The following PTPRD variants were observed in gnomAD, a reference collection of about 807,000 sequenced individuals.
PTPRD encodes receptor-type tyrosine-protein phosphatase delta.
In PTPRD, 34 loss-of-function variants were observed where a neutral mutation model predicts 214.5. That is an observed-to-expected ratio of 0.16 (90% CI 0.12 to 0.21). The LOEUF is 0.21. Ranked by LOEUF, PTPRD falls within the 10% of genes least tolerant of loss-of-function variation. The pLI is 1.00. For missense variants in PTPRD, 2,545 were observed against 2,398.7 expected (o/e 1.06, Z -1.27); for synonymous variants, 1,128 against 845.7 (o/e 1.33, Z -5.79).
intron 5 of PTPRD, among the ~76,000 whole-genome samples, chr9:9,802,644 G>A (rs979062285): frequency 6.7e-6 from 1 of 148,434 alleles, no homozygotes; most frequent in Non-Finnish European, 1.5e-5. Flanking sequence ...TGCTAGGAAC[G>A]TTTTTTTTTA....
chr9:10,286,403 T>C (rs546054019), intron 3 of PTPRD, among the ~76,000 whole-genome samples: 1 of 152,084 alleles, frequency 6.6e-6, no homozygotes, highest in Admixed American at 6.6e-5. Context: ...AATTGTGTCA[T>C]GGCACTCCAG....
At chr9:9,332,039 G>A (rs2042509953) in intron 9 of PTPRD, among the ~76,000 whole-genome samples, 2 of 152,026 alleles carry the variant, frequency 1.3e-5, no homozygotes, top group Non-Finnish European at 2.9e-5. Context: ...CCCTCTCTGC[G>A]GAGTCTGCAT....
In PTPRD at chr9:8,523,564, T is replaced by C. The variant is rs766984148; in HGVS notation, c.680-40A>G. ...GGGTTTGATGCAGAACACAATGAAA[T>C]GAGGAAAGGAGAAAAACAAGGGAAA... is the stretch of plus-strand genomic sequence containing the variant. On this transcript the variant is annotated intron_variant, in intron 18 of 45. Transcript: ENST00000381196. 1.9e-5 allele frequency: 30 copies of C among 1,610,156 alleles called. No homozygotes were observed. The East Asian group carries it at 5.6e-4, about 30-fold the overall frequency.
chr9:10,143,830 A>T (rs980476576), intron 3 of PTPRD, among the ~76,000 whole-genome samples: 4 of 152,240 alleles, frequency 2.6e-5, no homozygotes, highest in Non-Finnish European at 4.4e-5. Context: ...ACATTTTCTC[A>T]CTTGTAGGTG....
At chr9:8,732,122 G>T (rs1289626101) in intron 12 of PTPRD, among the ~76,000 whole-genome samples, 3 of 152,192 alleles carry the variant, frequency 2.0e-5, no homozygotes, top group African/African-American at 7.2e-5. Flanking sequence ...CCAGTAAGAT[G>T]ACGGTTATCT....
chr9:10,590,865 C>G (rs1341209706), intron 2 of PTPRD, among the ~76,000 whole-genome samples: 1 of 150,890 alleles, frequency 6.6e-6, no homozygotes, highest in Non-Finnish European at 1.5e-5. Flanking sequence ...ATGTTATATA[C>G]TGAAAACTGA....
At chr9:10,190,386 G>GAAAAAAAAAAAA (rs66511711) in intron 3 of PTPRD, among the ~76,000 whole-genome samples, 5 of 50,156 alleles carry the variant, frequency 1.0e-4, no homozygotes, top group African/African-American at 1.4e-4. Context: ...TCTATCTCCA[G>GAAAAAAAAAAAA]AAAAAAAAAA....
chr9:8,483,185 C>T (rs1234749858), intron 30 of PTPRD, among the ~76,000 whole-genome samples: 1 of 152,144 alleles, frequency 6.6e-6, no homozygotes, highest in African/African-American at 2.4e-5. Context: ...TTTAATTTTC[C>T]ACTTCAGGCC....
intron 3 of PTPRD, among the ~76,000 whole-genome samples, chr9:10,036,258 G>C (rs1254638869): frequency 6.6e-6 from 1 of 152,040 alleles, no homozygotes; most frequent in African/African-American, 2.4e-5. Context: ...CTTTCTCCTT[G>C]ACATCTAAGA....
chr9:9,024,657 T>C (rs1236492451), intron 10 of PTPRD, among the ~76,000 whole-genome samples: 1 of 151,844 alleles, frequency 6.6e-6, no homozygotes, highest in Non-Finnish European at 1.5e-5. Context: ...TTAATATGTG[T>C]TTCTTTGGTT....
chr9:8,671,003 G>A (rs2097273335), intron 12 of PTPRD, among the ~76,000 whole-genome samples: 1 of 152,142 alleles, frequency 6.6e-6, no homozygotes, highest in South Asian at 2.1e-4. Context: ...GTGTGTGGAT[G>A]TGGAGGTGGG....
chr9:9,849,203 A>G (rs886793877), intron 5 of PTPRD, among the ~76,000 whole-genome samples: 1 of 152,202 alleles, frequency 6.6e-6, no homozygotes, highest in Non-Finnish European at 1.5e-5. Context: ...GCTACTCACA[A>G]TGAATTCCAG....
At chr9:9,759,085 C>T (rs994054378) in intron 6 of PTPRD, among the ~76,000 whole-genome samples, 2 of 151,944 alleles carry the variant, frequency 1.3e-5, no homozygotes, top group Middle Eastern at 3.2e-3. Flanking sequence ...TGATGATTTC[C>T]GTAGTAAAAT....
rs145245711 is a variant in PTPRD at position 10,128,992 on chromosome 9, G to T, written c.-544-95202C>A. 4.0e-4 allele frequency among the ~76,000 whole-genome samples: 61 copies of T among 152,078 alleles called. 1 individual carries two copies. Among genetic ancestry groups the T allele is most frequent in the African/African-American group, 1.4e-3 (57 of 41,496 alleles). On this transcript the variant is annotated intron_variant, in intron 3 of 45. Coordinates refer to ENST00000381196, the MANE Select transcript of PTPRD (RefSeq NM_002839.4). Reference sequence around the variant, plus strand: ...TGTAGTAAATTAGAATGTATATATTGGCTTTGGGAATACACAAAGATTAGT... The same window carrying T: ...TGTAGTAAATTAGAATGTATATATTTGCTTTGGGAATACACAAAGATTAGT...
chr9:8,748,757 C>T (rs2093176316), intron 11 of PTPRD, among the ~76,000 whole-genome samples: 1 of 151,928 alleles, frequency 6.6e-6, no homozygotes, highest in Non-Finnish European at 1.5e-5. Flanking sequence ...ACTAAAAATA[C>T]AAGATTAGCC....
intron 5 of PTPRD, among the ~76,000 whole-genome samples, chr9:9,895,615 T>C (rs1406118250): frequency 6.6e-6 from 1 of 151,938 alleles, no homozygotes; most frequent in African/African-American, 2.4e-5. Context: ...GTTTGGAAAA[T>C]GATGGTCAAA....
At chr9:9,356,731 T>G (rs1344224560) in intron 9 of PTPRD, among the ~76,000 whole-genome samples, 1 of 151,396 alleles carries the variant, frequency 6.6e-6, no homozygotes, top group Non-Finnish European at 1.5e-5. Context: ...ACTGACTAGT[T>G]TTTCTACATT....
intron 2 of PTPRD, among the ~76,000 whole-genome samples, chr9:10,397,996 G>A (rs947035456): frequency 1.3e-5 from 2 of 151,828 alleles, no homozygotes; most frequent in Admixed American, 1.3e-4. Context: ...TAACTGAATT[G>A]TATGCATCAT....
At chr9:10,253,427 G>A (rs2092967317) in intron 3 of PTPRD, among the ~76,000 whole-genome samples, 1 of 152,168 alleles carries the variant, frequency 6.6e-6, no homozygotes, top group South Asian at 2.1e-4. Flanking sequence ...TAGCTAAATT[G>A]CCCAGAAACT....
Sources: allele counts gnomAD v4.1 joint callset (sites outside exome capture counted in the v4.1 genomes callset), GRCh38; gene constraint gnomAD v4.1.1; transcripts MANE v1.5; gene names NCBI Gene and HGNC (gene_info 2026-07-23, HGNC 2026-07-21).